Variants in ELMO1 observed in about 807,000 individuals in gnomAD.
The protein encoded by ELMO1 is engulfment and cell motility 1.
In ELMO1, 26 loss-of-function variants were observed where a neutral mutation model predicts 98.9. That is an observed-to-expected ratio of 0.26 (90% CI 0.19 to 0.36). ELMO1 has a LOEUF of 0.36. Ranked by LOEUF, ELMO1 falls within the 10% of genes least tolerant of loss-of-function variation. ELMO1 has a pLI of 1.00. For synonymous variants in ELMO1, 346 were observed against 346.0 expected (o/e 1.00, Z 0.00); for missense variants, 627 against 935.2 (o/e 0.67, Z 4.30).
At chr7:37,304,569 A>T (rs941344034) in intron 4 of ELMO1, among the ~76,000 whole-genome samples, 1 of 152,160 alleles carries the variant, frequency 6.6e-6, no homozygotes, top group African/African-American at 2.4e-5. Flanking sequence ...TACAAAAATT[A>T]GCTGGGTGTG....
chr7:37,401,691 T>C (rs532317648), intron 1 of ELMO1, among the ~76,000 whole-genome samples: 2 of 152,264 alleles, frequency 1.3e-5, no homozygotes, highest in African/African-American at 2.4e-5. Context: ...CTTGTGAGAA[T>C]ACACTCACTA....
chr7:37,218,697 A>C (rs952811563), intron 10 of ELMO1, among the ~76,000 whole-genome samples: 4 of 152,256 alleles, frequency 2.6e-5, no homozygotes, highest in African/African-American at 9.6e-5. Context: ...AAAAACTACA[A>C]TGCATGTAGT....
chr7:37,249,585 C>T (rs1031277186), intron 6 of ELMO1, among the ~76,000 whole-genome samples: 4 of 152,000 alleles, frequency 2.6e-5, no homozygotes, highest in African/African-American at 4.8e-5. Context: ...GAAAACCAGC[C>T]GAGTATTGAC....
chr7:37,188,501 A>AATAATAATAATAAT (rs1554438183), intron 13 of ELMO1, among the ~76,000 whole-genome samples: 7 of 125,960 alleles, frequency 5.6e-5, no homozygotes, highest in Non-Finnish European at 9.8e-5. Context: ...AAAAAAAAAA[A>AATAATAATAATAAT]AATAATAATA....
intron 16 of ELMO1, among the ~76,000 whole-genome samples, chr7:36,990,748 A>G (rs1373404027): frequency 6.6e-6 from 1 of 152,112 alleles, no homozygotes; most frequent in Admixed American, 6.5e-5. Context: ...CCTTTGTAAT[A>G]CTTTTTAAAT....
At chr7:37,143,107 C>G (rs1787746303) in intron 13 of ELMO1, among the ~76,000 whole-genome samples, 1 of 152,212 alleles carries the variant, frequency 6.6e-6, no homozygotes, top group Non-Finnish European at 1.5e-5. Context: ...AGAATGCCTG[C>G]TATGCACCAG....
chr7:37,402,625 T>C (rs1180787809), intron 1 of ELMO1, among the ~76,000 whole-genome samples: 1 of 152,182 alleles, frequency 6.6e-6, no homozygotes, highest in Non-Finnish European at 1.5e-5. Context: ...AGTCTTGAGC[T>C]ATTTAATGAA....
chr7:36,863,702 A>G (rs1215253469), intron 20 of ELMO1, among the ~76,000 whole-genome samples: 3 of 152,252 alleles, frequency 2.0e-5, no homozygotes, highest in African/African-American at 7.2e-5. Context: ...AACACCATGT[A>G]CACACTGATC....
intron 1 of ELMO1, among the ~76,000 whole-genome samples, chr7:37,430,044 C>T (rs1804867176): frequency 6.6e-6 from 1 of 152,198 alleles, no homozygotes; most frequent in Non-Finnish European, 1.5e-5. Flanking sequence ...CTAGCACCCT[C>T]CCTCCACATT....
At chr7:37,100,075 T>A (rs1239890336) in intron 14 of ELMO1, among the ~76,000 whole-genome samples, 1 of 152,108 alleles carries the variant, frequency 6.6e-6, no homozygotes, top group African/African-American at 2.4e-5. Context: ...CCTCAGGTGA[T>A]CCCTCTCCAA....
chr7:37,052,074 G>A (rs1796139355), intron 15 of ELMO1, among the ~76,000 whole-genome samples: 1 of 152,130 alleles, frequency 6.6e-6, no homozygotes, highest in Admixed American at 6.5e-5. Context: ...AGATCTCCAA[G>A]ATGCTTTCAC....
In ELMO1 at chr7:37,027,992, T is replaced by C. The variant is rs539004826; in HGVS notation, c.1301-14557A>G. 4.9e-4 allele frequency among the ~76,000 whole-genome samples: 75 copies of C among 152,136 alleles called. 2 individuals carry two copies. The South Asian group carries it at 0.015, about 30-fold the overall frequency. ...TAAGAGAGCAGCCTAGAAAGGTGAGTTGTTTATCTTAGAATATTGCAATGA... is the reference window on the plus strand; with the variant it reads ...TAAGAGAGCAGCCTAGAAAGGTGAGCTGTTTATCTTAGAATATTGCAATGA... On this transcript the variant is annotated intron_variant, in intron 15 of 21. Transcript: ENST00000310758.
intron 1 of ELMO1, among the ~76,000 whole-genome samples, chr7:37,403,990 C>G (rs556327553): frequency 7.0e-4 from 107 of 152,144 alleles, no homozygotes; most frequent in Non-Finnish European, 1.3e-3. Flanking sequence ...ATAGGGAAAA[C>G]TGTGTGGATA....
intron 16 of ELMO1, among the ~76,000 whole-genome samples, chr7:37,012,361 T>A (rs1472733765): frequency 1.3e-5 from 2 of 152,110 alleles, no homozygotes; most frequent in Admixed American, 6.5e-5. Context: ...ATTCAGAGAT[T>A]ATGTTATGCA....
chr7:37,123,620 G>A (rs777907071), intron 14 of ELMO1, among the ~76,000 whole-genome samples: 1 of 152,132 alleles, frequency 6.6e-6, no homozygotes, highest in Non-Finnish European at 1.5e-5. Context: ...ACCAATAACA[G>A]GCTCTGAAAT....
intron 15 of ELMO1, among the ~76,000 whole-genome samples, chr7:37,084,712 C>T (rs1783669686): frequency 6.6e-6 from 1 of 151,848 alleles, no homozygotes; most frequent in Non-Finnish European, 1.5e-5. Context: ...ACATAGAAAG[C>T]ATCCAATAAA....
At chr7:37,358,657 A>T (rs1801585221) in intron 1 of ELMO1, among the ~76,000 whole-genome samples, 1 of 152,204 alleles carries the variant, frequency 6.6e-6, no homozygotes, top group Non-Finnish European at 1.5e-5. Flanking sequence ...AGCCTTTCAA[A>T]TCTTACTTTT....
chr7:37,163,033 C>A (rs915532014), intron 13 of ELMO1, among the ~76,000 whole-genome samples: 1 of 152,126 alleles, frequency 6.6e-6, no homozygotes, highest in African/African-American at 2.4e-5. Flanking sequence ...ACTTGGTTGC[C>A]TTATTTTCAA....
At chr7:37,399,151 C>T (rs1322882225) in intron 1 of ELMO1, among the ~76,000 whole-genome samples, 4 of 152,096 alleles carry the variant, frequency 2.6e-5, no homozygotes, top group Non-Finnish European at 5.9e-5. Flanking sequence ...CCTTGATCTG[C>T]CCCCTGCTGT....
Sources: allele counts gnomAD v4.1 joint callset (sites outside exome capture counted in the v4.1 genomes callset), GRCh38; gene constraint gnomAD v4.1.1; transcripts MANE v1.5; gene names NCBI Gene and HGNC (gene_info 2026-07-23, HGNC 2026-07-21).